Variants in THSD7B observed in about 807,000 individuals in gnomAD.
The protein encoded by THSD7B is thrombospondin type 1 domain containing 7B.
In THSD7B, 138 loss-of-function variants were observed where a neutral mutation model predicts 213.6. The ratio of observed to expected loss-of-function variants is 0.65; its 90% CI spans 0.56 to 0.74. The LOEUF (loss-of-function observed/expected upper bound fraction) is 0.74. THSD7B is among the 30% of genes least tolerant of loss of function. The pLI is 0.00. For missense variants in THSD7B, 1,931 were observed against 1,991.5 expected, an observed-to-expected ratio of 0.97 and a Z score of 0.58; for synonymous variants, 742 against 687.0, an observed-to-expected ratio of 1.08 and a Z score of -1.25.
intron 5 of THSD7B, among the ~76,000 whole-genome samples, chr2:137,132,040 T>A (rs1299981936): frequency 6.7e-6 from 1 of 149,844 alleles, no homozygotes; most frequent in African/African-American, 2.4e-5. Context: ...TTTGTTTGTA[T>A]CCTCTTTTAT....
chr2:137,294,445 T>C (rs1046113312), intron 12 of THSD7B, among the ~76,000 whole-genome samples: 45 of 151,706 alleles, frequency 3.0e-4, no homozygotes, highest in African/African-American at 1.0e-3. Context: ...TAGCTGGACG[T>C]GGTGGTGAGT....
chr2:137,234,429 G>A (rs1461784433), intron 9 of THSD7B, among the ~76,000 whole-genome samples: 2 of 152,194 alleles, frequency 1.3e-5, no homozygotes, highest in South Asian at 2.1e-4. Flanking sequence ...TATGGGAAAT[G>A]AACTGCTTAC....
chr2:136,991,047 G>T, intron 2 of THSD7B: 9 of 920,790 alleles, frequency 9.8e-6, no homozygotes, highest in South Asian at 8.8e-5. Flanking sequence ...AGATGGTTAT[G>T]TGTTAAATAA....
chr2:137,418,854 A>G (rs1199297464), intron 14 of THSD7B, among the ~76,000 whole-genome samples: 1 of 152,114 alleles, frequency 6.6e-6, no homozygotes, highest in Non-Finnish European at 1.5e-5. Context: ...TGTTGCTGCA[A>G]ATGACAGGAG....
At chr2:137,636,275 T>C (rs1682831427) in intron 20 of THSD7B, among the ~76,000 whole-genome samples, 1 of 151,520 alleles carries the variant, frequency 6.6e-6, no homozygotes, top group Non-Finnish European at 1.5e-5. Context: ...TAAACGTGTG[T>C]CCACTACAAA....
intron 2 of THSD7B, among the ~76,000 whole-genome samples, chr2:136,889,068 G>T (rs1411429593): frequency 6.6e-6 from 1 of 151,580 alleles, no homozygotes; most frequent in African/African-American, 2.4e-5. Flanking sequence ...TTGAGGAGAG[G>T]ATATAAAATG....
chr2:137,540,293 G>A (rs1212142159), intron 15 of THSD7B, among the ~76,000 whole-genome samples: 1 of 151,658 alleles, frequency 6.6e-6, no homozygotes, highest in East Asian at 1.9e-4. Flanking sequence ...GAACCACTTG[G>A]CAAAACTTGT....
intron 14 of THSD7B, among the ~76,000 whole-genome samples, chr2:137,444,155 A>G (rs1687479248): frequency 6.6e-6 from 1 of 152,066 alleles, no homozygotes; most frequent in South Asian, 2.1e-4. Context: ...CAGGCCTCAC[A>G]GAGACCTAAA....
rs145513737 is a variant in THSD7B, at chr2:137,288,792, A to AAT, written c.2500+12785_2500+12786dup. Among the ~76,000 whole-genome samples, 1,318 of 145,278 alleles carry AAT rather than the reference A, an allele frequency of 9.1e-3. 16 individuals carry two copies. Among genetic ancestry groups the AAT allele is most frequent in the East Asian group, 0.06 (305 of 5,054 alleles). ...CAAGAATAAGTATTTCTAGAAACAT[A>AAT]ATATATATATATATATATATTAGAA... On this transcript the variant is annotated intron_variant, in intron 12 of 27. Coordinates refer to ENST00000409968, the MANE Select transcript of THSD7B (RefSeq NM_001316349.2).
chr2:137,666,536 T>A (rs890849199), intron 26 of THSD7B, among the ~76,000 whole-genome samples: 7 of 128,784 alleles, frequency 5.4e-5, no homozygotes, highest in Non-Finnish European at 1.2e-4. Context: ...TTTGATTGAT[T>A]TCCCCCCCCC....
intron 12 of THSD7B, among the ~76,000 whole-genome samples, chr2:137,301,835 G>A (rs1037760844): frequency 5.3e-5 from 8 of 152,110 alleles, no homozygotes; most frequent in Non-Finnish European, 7.3e-5. Context: ...AAAGGTGGGG[G>A]AGAGGTATAA....
At chr2:137,312,489 T>C (rs1429942067) in intron 12 of THSD7B, among the ~76,000 whole-genome samples, 1 of 150,592 alleles carries the variant, frequency 6.6e-6, no homozygotes, top group African/African-American at 2.5e-5. Flanking sequence ...TGAAGGGTTT[T>C]TTGTGTCTCT....
chr2:137,584,167 G>C (rs1210841136), intron 17 of THSD7B, among the ~76,000 whole-genome samples: 1 of 150,404 alleles, frequency 6.6e-6, no homozygotes, highest in Non-Finnish European at 1.5e-5. Flanking sequence ...AGGAATGCTT[G>C]TGATTTTTGC....
intron 12 of THSD7B, among the ~76,000 whole-genome samples, chr2:137,391,816 T>C (rs1165031334): frequency 6.6e-6 from 1 of 152,196 alleles, no homozygotes; most frequent in East Asian, 1.9e-4. Context: ...CTTTTCTAGT[T>C]CCTTGAGATG....
In THSD7B at chr2:137,605,648, C is replaced by CTT. The variant is rs34604281; in HGVS notation, c.3424-10489_3424-10488dup. ...AAAAAGCATATATTGGCACTTCGCA[C>CTT]TTTTTTTTTTTTTTTTTTTTTTTTT... On this transcript the variant is annotated intron_variant, in intron 17 of 27. Coordinates refer to ENST00000409968, the MANE Select transcript of THSD7B (RefSeq NM_001316349.2). 2.1e-3 allele frequency among the ~76,000 whole-genome samples: 147 copies of CTT among 69,002 alleles called. 33 individuals are homozygous for CTT. The highest frequency in any genetic ancestry group is 5.1e-3 in the African/African-American group (90 of 17,592). The allele number at this position is 69,002 out of a possible 152,430, so 45.3% of individuals were successfully genotyped here.
intron 1 of THSD7B, among the ~76,000 whole-genome samples, chr2:136,831,786 G>A (rs1682760661): frequency 6.6e-6 from 1 of 152,142 alleles, no homozygotes. Flanking sequence ...TATACTCCTT[G>A]GTCTTGGCAA....
At chr2:137,090,908 G>A (rs537703707) in intron 3 of THSD7B, among the ~76,000 whole-genome samples, 1 of 152,188 alleles carries the variant, frequency 6.6e-6, no homozygotes, top group East Asian at 1.9e-4. Flanking sequence ...ATAATATATC[G>A]TGATGCAAAG....
intron 12 of THSD7B, among the ~76,000 whole-genome samples, chr2:137,401,231 T>C (rs1465098604): frequency 6.6e-6 from 1 of 152,222 alleles, no homozygotes; most frequent in African/African-American, 2.4e-5. Context: ...AGTTGTGCAA[T>C]GGAAGGGGCC....
chr2:137,174,767 T>G (rs1450970385), intron 7 of THSD7B, among the ~76,000 whole-genome samples: 3 of 152,172 alleles, frequency 2.0e-5, no homozygotes, highest in Non-Finnish European at 4.4e-5. Context: ...ATAGCTTTGA[T>G]TTCTGTCCTC....
Sources: gnomAD v4.1 joint callset for allele counts (sites outside exome capture counted in the v4.1 genomes callset) on GRCh38, gnomAD v4.1.1 for gene constraint, MANE v1.5 for transcripts, NCBI Gene and HGNC (gene_info 2026-07-23, HGNC 2026-07-21) for gene names.